Variants in USP48 observed in about 807,000 individuals in gnomAD.
USP48 encodes the protein ubiquitin specific peptidase 48.
Under a neutral mutation model 150.7 loss-of-function variants are expected in USP48, and 43 were observed. That is an observed-to-expected ratio of 0.29 (90% confidence interval 0.22 to 0.37). The LOEUF (loss-of-function observed/expected upper bound fraction) is 0.37. Among genes scored for constraint, USP48 ranks in the 10% least tolerant of loss-of-function variants. The pLI is 1.00. For synonymous variants in USP48, 396 were observed against 425.9 expected, an observed-to-expected ratio of 0.93 and a Z score of 0.86; for missense variants, 813 against 1,249.6, an observed-to-expected ratio of 0.65 and a Z score of 5.27.
intron 8 of USP48, among the ~76,000 whole-genome samples, chr1:21,742,577 GAAAAAGAAAAGAAAAGAAAAGAAA>G (rs2097784591): frequency 2.8e-5 from 4 of 141,442 alleles, no homozygotes; most frequent in Admixed American, 6.8e-5. Context: ...AAAAGAAAAA[GAAAAAGAAAAGAAAAGAAAAGAAA>G]AAAAGAAAAA....
intron 13 of USP48, 99 bp from the exon 14 acceptor site, chr1:21,721,265 T>C: frequency 6.8e-7 from 1 of 1,473,218 alleles, no homozygotes; most frequent in South Asian, 1.3e-5. Flanking sequence ...TTACAAACAC[T>C]CAACATCAGC....
chr1:21,682,103 G>C (rs752900965), intron 25 of USP48, among the ~76,000 whole-genome samples: 1 of 152,184 alleles, frequency 6.6e-6, no homozygotes, highest in Non-Finnish European at 1.5e-5. Flanking sequence ...TTAAGAAGAA[G>C]AACACATCCT....
At chr1:21,683,734 C>G (rs531465492) in intron 25 of USP48, among the ~76,000 whole-genome samples, 2 of 152,228 alleles carry the variant, frequency 1.3e-5, no homozygotes, top group South Asian at 4.2e-4. Flanking sequence ...TACTGAATAC[C>G]AGAACTTATT....
At chr1:21,681,465 T>C (rs908622295) in intron 25 of USP48, among the ~76,000 whole-genome samples, 1 of 152,092 alleles carries the variant, frequency 6.6e-6, no homozygotes, top group African/African-American at 2.4e-5. Context: ...TTTCACCACG[T>C]TGGCCAGGCT....
Position 21,720,074 on chromosome 1 carries a change from A to T in USP48, c.1894+962T>A, listed in dbSNP as rs576049224. 2.0e-4 allele frequency among the ~76,000 whole-genome samples: 31 copies of T among 152,344 alleles called. 1 individual carries two copies. In the South Asian group the frequency reaches 6.2e-3, roughly 31 times the overall value. On this transcript the variant is annotated intron_variant, in intron 14 of 26. Transcript: ENST00000308271. ...TTTAGTGTTTGCTTTAAAACAACAT[A>T]ATTTCTGATTTGAAAGCATAGGAAA...
At position 21,771,618 on chromosome 1, in the gene USP48, C is replaced by CA. The variant is rs983206790; in HGVS notation, c.134+11205dup. Among the ~76,000 whole-genome samples, 15 of 150,796 alleles carry CA rather than the reference C, an allele frequency of 9.9e-5. No homozygotes were observed. The South Asian group carries it at 1.7e-3, about 17-fold the overall frequency. ...GTTATTCAACGAAATTAATCAATGG[C>CA]AAAAAAAACAGGGTTGAGAGGCTGG... is the stretch of plus-strand genomic sequence containing the variant. On this transcript the variant is annotated intron_variant, in intron 1 of 26. Transcript: ENST00000308271.
intron 1 of USP48, among the ~76,000 whole-genome samples, chr1:21,769,872 C>A (rs1039260371): frequency 1.3e-5 from 2 of 151,642 alleles, no homozygotes; most frequent in African/African-American, 4.8e-5. Flanking sequence ...GAAGTGAAAT[C>A]CTGTATCAAA....
intron 1 of USP48, among the ~76,000 whole-genome samples, chr1:21,773,784 C>T (rs1375582872): frequency 2.0e-5 from 3 of 151,986 alleles, no homozygotes; most frequent in Admixed American, 1.3e-4. Context: ...TAGGGCAGCA[C>T]GGGTTGTATT....
chr1:21,707,117 A>G (rs1435020609), intron 15 of USP48, among the ~76,000 whole-genome samples: 1 of 152,172 alleles, frequency 6.6e-6, no homozygotes, highest in Admixed American at 6.5e-5. Context: ...TGAAAAAAAA[A>G]TCATGAGATA....
chr1:21,689,417 TGACA>T (rs141014604), intron 24 of USP48, among the ~76,000 whole-genome samples: 11,362 of 151,654 alleles, frequency 0.075, 591 homozygotes, highest in East Asian at 0.26. Flanking sequence ...CCCTTTGGAA[TGACA>T]GTCAATCCTC....
chr1:21,749,770 T>C (rs1014237674), intron 6 of USP48, among the ~76,000 whole-genome samples: 13 of 152,004 alleles, frequency 8.6e-5, no homozygotes, highest in Non-Finnish European at 1.5e-4. Context: ...GCCTGGTTAA[T>C]TTTTTTATTT....
At chr1:21,776,000 CATT>C (rs776141669) in intron 1 of USP48, among the ~76,000 whole-genome samples, 2 of 152,114 alleles carry the variant, frequency 1.3e-5, no homozygotes, top group African/African-American at 2.4e-5. Context: ...GTGACTAACA[CATT>C]ATGTTGGTGA....
At chr1:21,745,038 T>C (rs2152570773) in intron 8 of USP48, among the ~76,000 whole-genome samples, 1 of 152,236 alleles carries the variant, frequency 6.6e-6, no homozygotes, top group South Asian at 2.1e-4. Context: ...TACGGGAAAA[T>C]ATAAATACTA....
chr1:21,779,472 G>A (rs868530715), intron 1 of USP48, among the ~76,000 whole-genome samples: 1 of 151,918 alleles, frequency 6.6e-6, no homozygotes, highest in East Asian at 1.9e-4. Flanking sequence ...CTTGAACCTA[G>A]GAGGCAGAGG....
chr1:21,766,339 C>T (rs1482543355), intron 1 of USP48, among the ~76,000 whole-genome samples: 1 of 151,966 alleles, frequency 6.6e-6, no homozygotes, highest in African/African-American at 2.4e-5. Flanking sequence ...GCACTGCACC[C>T]TAGCCTAGGT....
intron 16 of USP48, 36 bp from the exon 17 acceptor site, chr1:21,706,625 G>A: frequency 1.2e-6 from 2 of 1,613,800 alleles, no homozygotes; most frequent in Non-Finnish European, 1.7e-6. Flanking sequence ...GTCTCCTGCT[G>A]ACAGCACATG....
At chr1:21,756,937 C>T (rs993750176) in intron 2 of USP48, 10 of 985,290 alleles carry the variant, frequency 1.0e-5, no homozygotes, top group East Asian at 1.1e-4. Flanking sequence ...TCATCTCTAG[C>T]ATATCGTCTT....
At chr1:21,703,981 TC>T (rs1255944704) in intron 20 of USP48, among the ~76,000 whole-genome samples, 1 of 152,202 alleles carries the variant, frequency 6.6e-6, no homozygotes, top group East Asian at 1.9e-4. Flanking sequence ...CCCTAGTCTC[TC>T]AAAGTATTAG....
chr1:21,692,340 G>A (rs1269147334), intron 23 of USP48, among the ~76,000 whole-genome samples: 2 of 152,086 alleles, frequency 1.3e-5, no homozygotes, highest in African/African-American at 4.8e-5. Context: ...GGCATATCCA[G>A]CCCTACACCA....
Sources: gnomAD v4.1 joint callset for allele counts (sites outside exome capture counted in the v4.1 genomes callset) on GRCh38, gnomAD v4.1.1 for gene constraint, MANE v1.5 for transcripts, NCBI Gene and HGNC (gene_info 2026-07-23, HGNC 2026-07-21) for gene names.